Variants in BMERB1 observed in about 807,000 individuals in gnomAD.
BMERB1 encodes bMERB domain-containing protein 1.
A neutral mutation model predicts 23.6 loss-of-function variants in BMERB1; 12 were observed. The observed-to-expected ratio is 0.51, with a 90% CI of 0.33 to 0.82. The LOEUF (loss-of-function observed/expected upper bound fraction) is 0.82, where lower values mean the gene tolerates loss of function less well. Ranked by LOEUF, BMERB1 falls within the 40% of genes least tolerant of loss-of-function variation. BMERB1 has a pLI of 0.03. For missense variants in BMERB1, 247 were observed against 255.4 expected (o/e 0.97, Z 0.22); for synonymous variants, 122 against 96.6 (o/e 1.26, Z -1.54).
intron 1 of BMERB1, among the ~76,000 whole-genome samples, chr16:15,482,280 C>G (rs2051328610): frequency 6.6e-6 from 1 of 152,050 alleles, no homozygotes; most frequent in Non-Finnish European, 1.5e-5. Context: ...TTCTCTGTGT[C>G]TAAGAGAAAA....
chr16:15,544,341 C>T (rs953435766), intron 2 of BMERB1, among the ~76,000 whole-genome samples: 20 of 152,158 alleles, frequency 1.3e-4, no homozygotes, highest in Non-Finnish European at 2.6e-4. Context: ...TATACTTCAG[C>T]ATGATCTTAA....
At chr16:15,579,708 A>T (rs1286945469) in intron 3 of BMERB1, among the ~76,000 whole-genome samples, 1 of 151,766 alleles carries the variant, frequency 6.6e-6, no homozygotes, top group Non-Finnish European at 1.5e-5. Flanking sequence ...GGTGTTTGGG[A>T]CAGGGTTAGT....
intron 5 of BMERB1, among the ~76,000 whole-genome samples, chr16:15,586,000 C>G (rs1424859330): frequency 1.3e-5 from 2 of 151,634 alleles, no homozygotes. Flanking sequence ...GAATAAAACC[C>G]AAAATGAAAT....
intron 1 of BMERB1, among the ~76,000 whole-genome samples, chr16:15,496,773 C>T (rs1357391955): frequency 6.6e-6 from 1 of 152,070 alleles, no homozygotes; most frequent in African/African-American, 2.4e-5. Context: ...CTCCTGACCT[C>T]GTGATCTGCC....
intron 1 of BMERB1, among the ~76,000 whole-genome samples, chr16:15,513,942 T>TA (rs1447644070): frequency 6.6e-6 from 1 of 151,082 alleles, no homozygotes; most frequent in East Asian, 1.9e-4. Context: ...ATTATATATA[T>TA]AAAAAACCAC....
At chr16:15,543,114 G>C (rs1180167615) in intron 2 of BMERB1, among the ~76,000 whole-genome samples, 1 of 152,184 alleles carries the variant, frequency 6.6e-6, no homozygotes, top group Non-Finnish European at 1.5e-5. Context: ...GTGGCTCTCA[G>C]TGGAAGGGGA....
intron 2 of BMERB1, among the ~76,000 whole-genome samples, chr16:15,561,925 T>C (rs189843843): frequency 6.6e-6 from 1 of 152,306 alleles, no homozygotes; most frequent in Admixed American, 6.5e-5. Context: ...TAGCATTTAC[T>C]GGGCATTTGA....
At chr16:15,532,544 C>CTTTTTTTTT (rs58964968) in intron 2 of BMERB1, among the ~76,000 whole-genome samples, 3 of 91,832 alleles carry the variant, frequency 3.3e-5, no homozygotes, top group Admixed American at 1.4e-4. Flanking sequence ...TTTTCTTTTT[C>CTTTTTTTTT]TTTTTTTTTT....
intron 1 of BMERB1, among the ~76,000 whole-genome samples, chr16:15,482,901 G>T (rs2051334876): frequency 6.6e-6 from 1 of 151,998 alleles, no homozygotes; most frequent in Non-Finnish European, 1.5e-5. Context: ...CAGTGGGGGA[G>T]ATCTGTTATT....
intron 2 of BMERB1, among the ~76,000 whole-genome samples, chr16:15,560,283 C>A (rs1400256426): frequency 6.6e-6 from 1 of 152,156 alleles, no homozygotes; most frequent in African/African-American, 2.4e-5. Context: ...AGGGCCAGGG[C>A]AAAGGCCCCC....
At chr16:15,521,654 C>T (rs1375271002) in intron 2 of BMERB1, among the ~76,000 whole-genome samples, 1 of 152,116 alleles carries the variant, frequency 6.6e-6, no homozygotes, top group Non-Finnish European at 1.5e-5. Context: ...TTGCTGACTT[C>T]CCTTTGCTTG....
rs35954715 is a variant in BMERB1 at position 15,586,860 on chromosome 16, A to ACCCCCCCCCCC, written c.*40_*41insCCCCCCCCCCC. 8.2e-7 allele frequency: 1 copy of ACCCCCCCCCCC among 1,220,846 alleles called. No homozygotes were observed. The highest frequency in any genetic ancestry group is 1.5e-5 in the African/African-American group (1 of 64,558). The allele number at this position is 1,220,846 out of a possible 1,614,324, so 75.6% of individuals were successfully genotyped here. ...ACGTGGGGTGCCCTGGGCCATGGGGACCCCCCCCCACCCTCTTGTCTTTAT... is the reference window on the plus strand; with the variant it reads ...ACGTGGGGTGCCCTGGGCCATGGGGACCCCCCCCCCCCCCCCCCCCACCCTCTTGTCTTTAT... On this transcript the variant is annotated 3_prime_UTR_variant, in exon 6 of 6. Transcript: ENST00000300006.
intron 1 of BMERB1, among the ~76,000 whole-genome samples, chr16:15,440,662 A>C (rs529273146): frequency 3.9e-4 from 60 of 152,308 alleles, no homozygotes; most frequent in Non-Finnish European, 7.6e-4. Flanking sequence ...AAAGTAAAAA[A>C]CGACCATCAT....
intron 1 of BMERB1, among the ~76,000 whole-genome samples, chr16:15,449,189 T>C (rs1463790462): frequency 6.6e-6 from 1 of 152,214 alleles, no homozygotes; most frequent in Non-Finnish European, 1.5e-5. Flanking sequence ...ATGGTACATA[T>C]ATACCGTGGA....
At chr16:15,470,825 CTTTTTTTTTTT>C (rs35873574) in intron 1 of BMERB1, among the ~76,000 whole-genome samples, 1,261 of 49,426 alleles carry the variant, frequency 0.026, 35 homozygotes, top group African/African-American at 0.1. Context: ...CACCTGGCCT[CTTTTTTTTTTT>C]TTTTTTTTTT....
chr16:15,541,342 A>C (rs1283172204), intron 2 of BMERB1, among the ~76,000 whole-genome samples: 1 of 151,714 alleles, frequency 6.6e-6, no homozygotes, highest in African/African-American at 2.4e-5. Context: ...CTCACTGTTC[A>C]AGAGCTTTTA....
At chr16:15,552,431 C>T (rs186482764) in intron 2 of BMERB1, among the ~76,000 whole-genome samples, 2 of 151,354 alleles carry the variant, frequency 1.3e-5, no homozygotes, top group East Asian at 3.9e-4. Context: ...CAGAACGAGA[C>T]TCCATCTCAA....
At position 15,512,012 on chromosome 16, in the gene BMERB1, CAAAAAAAAA is replaced by C. The variant is rs57021793; in HGVS notation, c.107-3275_107-3267del. Among the ~76,000 whole-genome samples the C allele has an allele frequency of 1.3e-4, 8 of 61,148 alleles. 1 individual carries two copies. Among genetic ancestry groups the C allele is most frequent in the East Asian group, 7.2e-4 (1 of 1,398 alleles). The allele number at this position is 61,148 out of a possible 152,430, so 40.1% of individuals were successfully genotyped here. ...TGGGCAACAGAGCAAGACTTGCTCT[CAAAAAAAAA>C]AAAAAAAAAAAAAAAAAGGGGGAAT... On this transcript the variant is annotated intron_variant, in intron 1 of 5. Coordinates refer to ENST00000300006, the MANE Select transcript of BMERB1 (RefSeq NM_033201.3).
At chr16:15,489,653 G>A (rs1262212204) in intron 1 of BMERB1, among the ~76,000 whole-genome samples, 1 of 152,040 alleles carries the variant, frequency 6.6e-6, no homozygotes, top group Non-Finnish European at 1.5e-5. Context: ...TTCTAGCTGG[G>A]CTCAAAATAG....
Sources: gnomAD v4.1 joint callset for allele counts (sites outside exome capture counted in the v4.1 genomes callset) on GRCh38, gnomAD v4.1.1 for gene constraint, MANE v1.5 for transcripts, NCBI Gene and HGNC (gene_info 2026-07-23, HGNC 2026-07-21) for gene names.